SDK1: variants seen among roughly 807,000 people sequenced by gnomAD.
The protein encoded by SDK1 is protein sidekick-1.
SDK1 carries 157 observed loss-of-function variants against 245.5 expected under a neutral mutation model. That is an observed-to-expected ratio of 0.64 (90% CI 0.56 to 0.73). SDK1 has a LOEUF of 0.73. Among genes scored for constraint, SDK1 ranks in the 30% least tolerant of loss-of-function variants. The pLI, the probability that SDK1 is intolerant of heterozygous loss-of-function variation, is 0.00. For missense variants in SDK1, 3,583 were observed against 3,002.3 expected (o/e 1.19, Z -4.52); for synonymous variants, 1,647 against 1,278.5 (o/e 1.29, Z -6.15).
chr7:3,474,818 A>G (rs559053985), intron 1 of SDK1, among the ~76,000 whole-genome samples: 27 of 152,194 alleles, frequency 1.8e-4, no homozygotes, highest in African/African-American at 5.5e-4. Flanking sequence ...AACCTCTTCA[A>G]TGGTGGGGAC....
intron 1 of SDK1, among the ~76,000 whole-genome samples, chr7:3,355,519 G>A (rs1361136119): frequency 6.6e-6 from 1 of 152,114 alleles, no homozygotes; most frequent in African/African-American, 2.4e-5. Flanking sequence ...CACTTATGTG[G>A]TGTTTCCAGT....
At chr7:4,230,574 G>C (rs117298771) in intron 40 of SDK1, among the ~76,000 whole-genome samples, 4,125 of 152,010 alleles carry the variant, frequency 0.027, 73 homozygotes, top group Non-Finnish European at 0.041. Flanking sequence ...AAGGATGAAT[G>C]GATGGATAAT....
intron 1 of SDK1, among the ~76,000 whole-genome samples, chr7:3,304,410 A>C: frequency 6.6e-6 from 1 of 152,328 alleles, no homozygotes; most frequent in East Asian, 1.9e-4. Flanking sequence ...TTATGTGTGA[A>C]GTCCGTGGTG....
At chr7:4,250,931 C>T (rs927812208) in intron 44 of SDK1, among the ~76,000 whole-genome samples, 1 of 152,146 alleles carries the variant, frequency 6.6e-6, no homozygotes, top group African/African-American at 2.4e-5. Context: ...ATAACTCTAC[C>T]AGTCACCTCC....
chr7:3,806,355 CACATTA>C (rs1779246194), intron 4 of SDK1, among the ~76,000 whole-genome samples: 4 of 138,040 alleles, frequency 2.9e-5, no homozygotes, highest in African/African-American at 1.3e-4. Flanking sequence ...TGTGGATGTC[CACATTA>C]GGATGTGGAT....
rs1781492566 is a variant in SDK1, at chr7:3,480,675, C to T, written c.299-138405C>T. 3.3e-5 allele frequency among the ~76,000 whole-genome samples: 5 copies of T among 152,212 alleles called. No individual in the cohort carries two copies. The South Asian group carries it at 6.2e-4, about 19-fold the overall frequency. On this transcript the variant is annotated intron_variant, in intron 1 of 44. Transcript: ENST00000404826. ...GGATATACCTATGGGTCTGCCATAG[C>T]GTGCATATGGATTGTAGTCCCCTGC...
At chr7:3,459,916 T>C (rs1415768122) in intron 1 of SDK1, among the ~76,000 whole-genome samples, 1 of 152,350 alleles carries the variant, frequency 6.6e-6, no homozygotes, top group Non-Finnish European at 1.5e-5. Context: ...CTTTTCAATA[T>C]GTAATTTGCT....
At chr7:3,886,391 C>T (rs975457112) in intron 5 of SDK1, among the ~76,000 whole-genome samples, 39 of 152,356 alleles carry the variant, frequency 2.6e-4, no homozygotes, top group African/African-American at 7.2e-4. Flanking sequence ...AGCAGCAGCA[C>T]GGCTGCACCA....
chr7:4,133,360 G>C (rs746785121), intron 28 of SDK1, among the ~76,000 whole-genome samples: 1 of 152,214 alleles, frequency 6.6e-6, no homozygotes, highest in East Asian at 1.9e-4. Context: ...CCCTGTGCAG[G>C]TGTCGTATGT....
chr7:4,238,340 A>T (rs1437834854), intron 42 of SDK1, among the ~76,000 whole-genome samples: 1 of 151,728 alleles, frequency 6.6e-6, no homozygotes, highest in Non-Finnish European at 1.5e-5. Context: ...TCAGCCTCCC[A>T]AAGTGTTGGG....
chr7:3,744,074 A>G (rs181933416), intron 4 of SDK1, among the ~76,000 whole-genome samples: 114 of 152,242 alleles, frequency 7.5e-4, no homozygotes, highest in Non-Finnish European at 1.3e-3. Context: ...CTTTATTTCA[A>G]TAGCCTCCTA....
At chr7:3,405,593 T>C (rs1779029503) in intron 1 of SDK1, among the ~76,000 whole-genome samples, 3 of 152,314 alleles carry the variant, frequency 2.0e-5, no homozygotes, top group South Asian at 2.1e-4. Flanking sequence ...GTTTACCCCA[T>C]GCTGGAGTAA....
At chr7:3,378,200 A>G (rs1307747497) in intron 1 of SDK1, among the ~76,000 whole-genome samples, 2 of 152,214 alleles carry the variant, frequency 1.3e-5, no homozygotes, top group East Asian at 3.9e-4. Flanking sequence ...TACAATTAAC[A>G]TTGTTCTGTC....
intron 1 of SDK1, among the ~76,000 whole-genome samples, chr7:3,357,041 C>G (rs1361511372): frequency 8.7e-6 from 1 of 114,660 alleles, no homozygotes; most frequent in African/African-American, 3.7e-5. Flanking sequence ...GGTGACAGAG[C>G]GAGACTCTCT....
At chr7:3,737,977 T>C (rs1779366834) in intron 4 of SDK1, among the ~76,000 whole-genome samples, 1 of 152,226 alleles carries the variant, frequency 6.6e-6, no homozygotes, top group Non-Finnish European at 1.5e-5. Context: ...CATCCCCTTA[T>C]TCTGGGATTT....
At chr7:3,611,401 A>G (rs1409057659) in intron 1 of SDK1, among the ~76,000 whole-genome samples, 1 of 152,128 alleles carries the variant, frequency 6.6e-6, no homozygotes. Context: ...TCTAGTTCAC[A>G]TTTAATAACC....
chr7:3,530,134 C>A (rs1298255797), intron 1 of SDK1, among the ~76,000 whole-genome samples: 1 of 152,108 alleles, frequency 6.6e-6, no homozygotes, highest in African/African-American at 2.4e-5. Context: ...TATATCCACA[C>A]TAGTCATACA....
At chr7:3,623,602 T>C (rs1312259219) in intron 2 of SDK1, among the ~76,000 whole-genome samples, 2 of 152,166 alleles carry the variant, frequency 1.3e-5, no homozygotes, top group East Asian at 3.8e-4. Context: ...GTGACTACAT[T>C]AGCAAGTTGA....
In SDK1 at chr7:3,950,959, T is replaced by A; in HGVS notation, c.884T>A (p.Ile295Asn). 1 of 1,614,070 alleles carries A rather than the reference T, an allele frequency of 6.2e-7. No individual in the cohort carries two copies. The highest frequency in any genetic ancestry group is 1.3e-5 in the African/African-American group (1 of 75,022). Reference protein sequence around the residue: ...VGTPETMAPTIVVPPGNRSVV... With the variant: ...VGTPETMAPTNVVPPGNRSVV... ...ACACCTGAAACCATGGCCCCAACCA[T>A]TGTGGTTCCCCCGGGCAACAGAAGT... Residue 295 changes from isoleucine to asparagine, a missense_variant, in exon 6 of 45, where the codon ATT becomes AAT. Coordinates refer to ENST00000404826, the MANE Select transcript of SDK1 (RefSeq NM_152744.4).
Sources: allele counts gnomAD v4.1 joint callset (sites outside exome capture counted in the v4.1 genomes callset), GRCh38; gene constraint gnomAD v4.1.1; transcripts MANE v1.5; gene names NCBI Gene and HGNC (gene_info 2026-07-23, HGNC 2026-07-21).